The following DNAH1 variants were observed in gnomAD, a reference collection of about 807,000 sequenced individuals.
The protein encoded by DNAH1 is dynein axonemal heavy chain 1, also known as axonemal beta dynein heavy chain 1.
In DNAH1, 327 loss-of-function variants were observed where a neutral mutation model predicts 484.3. The observed-to-expected ratio is 0.68, with a 90% CI of 0.62 to 0.74. The LOEUF (loss-of-function observed/expected upper bound fraction) is 0.74. Ranked by LOEUF, DNAH1 falls within the 30% of genes least tolerant of loss-of-function variation. DNAH1 has a pLI of 0.00. For missense variants in DNAH1, 5,052 were observed against 5,546.8 expected (o/e 0.91, Z 2.83); for synonymous variants, 2,192 against 2,191.9 (o/e 1.00, Z 0.00).
chr3:52,347,998 C>T (rs1243222658), intron 12 of DNAH1, 24 bp downstream of exon 12: 1 of 1,588,750 alleles, frequency 6.3e-7, no homozygotes, highest in South Asian at 1.1e-5. Flanking sequence ...CCTGAGCAGG[C>T]CCCAGGCACC....
chr3:52,329,660 A>C (rs1701471496), intron 6 of DNAH1, among the ~76,000 whole-genome samples: 1 of 152,122 alleles, frequency 6.6e-6, no homozygotes, highest in Non-Finnish European at 1.5e-5. Context: ...CCCCGTCTTT[A>C]CTAAAAATAC....
chr3:52,331,540 G>A (rs765897823), intron 7 of DNAH1, among the ~76,000 whole-genome samples: 11 of 151,996 alleles, frequency 7.2e-5, no homozygotes, highest in African/African-American at 1.7e-4. Flanking sequence ...ATCAATAAGC[G>A]ATGCCTGCCC....
At chr3:52,370,338 C>A in intron 39 of DNAH1, 109 bp downstream of exon 39, 1 of 1,537,734 alleles carries the variant, frequency 6.5e-7, no homozygotes, top group South Asian at 1.2e-5. Flanking sequence ...CATGGTGCAA[C>A]ATGGACAAGA....
At chr3:52,314,546 G>A (rs1169795594), upstream of DNAH1, among the ~76,000 whole-genome samples, 2 of 152,182 alleles carry the variant, frequency 1.3e-5, no homozygotes, top group Admixed American at 1.3e-4. Flanking sequence ...CATTTCTATG[G>A]GTCTTTCCTG....
rs1297100010 is a variant in DNAH1, at chr3:52,355,433, C to T, written c.3693+378C>T. On this transcript the variant is annotated intron_variant, in intron 21 of 77. Transcript: ENST00000420323. This position sits in a 1 kb window ranked among gnomAD's most constrained non-coding sequence, Gnocchi z 4.5. ...CGGATGTCCCAAGGTCCCAGAGCAC[C>T]TCAGTGCCCTTTCCCACTCTGTCCT... Among the ~76,000 whole-genome samples, 4 of 152,254 alleles carry T rather than the reference C, an allele frequency of 2.6e-5. No homozygotes were observed. The East Asian group carries it at 7.7e-4, about 29-fold the overall frequency.
At chr3:52,378,495 G>A in intron 46 of DNAH1, 107 bp from the exon 47 acceptor site, 1 of 1,220,038 alleles carries the variant, frequency 8.2e-7, no homozygotes. Context: ...GCTGGGGAAG[G>A]GGCTTGGTGG....
chr3:52,367,037 C>A (rs2153224572), intron 36 of DNAH1, 150 bp downstream of exon 36: 1 of 947,896 alleles, frequency 1.1e-6, no homozygotes, highest in Non-Finnish European at 1.5e-6. Context: ...TACTTCCTCG[C>A]TGAGTGACCC....
intron 3 of DNAH1, 98 bp from the exon 4 acceptor site, chr3:52,326,042 A>T: frequency 4.8e-6 from 6 of 1,259,862 alleles, no homozygotes; most frequent in Non-Finnish European, 6.3e-6. Flanking sequence ...CACACTCCAA[A>T]GCATACTACC....
In DNAH1 at chr3:52,395,693, CCATCA is replaced by C; in HGVS notation, c.11259+18_11259+22del. 6.2e-7 allele frequency: 1 copy of C among 1,610,348 alleles called. No individual in the cohort carries two copies. The highest frequency in any genetic ancestry group is 8.5e-7 in the Non-Finnish European group (1 of 1,178,136). ...ACCCCGACAAGGTGTGTTGCCCTGC[CCATCA>C]CAGACCCAGTGGGGCCGCCTCTGCA... On this transcript the variant is annotated intron_variant, in intron 70 of 77. Coordinates refer to ENST00000420323, the MANE Select transcript of DNAH1 (RefSeq NM_015512.5). This position sits in a 1 kb window ranked among gnomAD's most constrained non-coding sequence, Gnocchi z 4.4.
chr3:52,385,057 AC>A, intron 53 of DNAH1, 80 bp downstream of exon 53: 1 of 1,463,114 alleles, frequency 6.8e-7, no homozygotes, highest in Non-Finnish European at 9.2e-7. Flanking sequence ...CCAGGGTGAC[AC>A]CATGCTCCGC....
In DNAH1 at chr3:52,382,419, G is replaced by C. The variant is rs1703891928; in HGVS notation, c.7905G>C (p.Gln2635His). The C allele has an allele frequency of 2.5e-6, 4 of 1,614,014 alleles. No individual in the cohort carries two copies. In the African/African-American group the frequency reaches 5.3e-5, roughly 22 times the overall value. ...VKKVLLKAGLQNLPITFLFSD... is the reference protein window; with the variant it reads ...VKKVLLKAGLHNLPITFLFSD... ...AGGTCCTGCTCAAGGCGGGCCTACAGAACCTACCCATCACCTTCCTCTTCT... is the reference window on the plus strand; with the variant it reads ...AGGTCCTGCTCAAGGCGGGCCTACACAACCTACCCATCACCTTCCTCTTCT... Residue 2635 changes from glutamine (Q) to histidine (H), a missense_variant, in exon 50 of 78, where the codon CAG (glutamine) becomes CAC (histidine). Around this residue, in one of 4 missense-constraint regions of DNAH1, gnomAD observed 2,929 missense variants for 3,409.4 expected, o/e 0.86. Transcript: ENST00000420323.
Position 52,349,838 on chromosome 3 carries a change from C to G in DNAH1, c.2527-151C>G, listed in dbSNP as rs1466235953. On this transcript the variant is annotated intron_variant, in intron 14 of 77. Transcript: ENST00000420323. ...GTCCTCAGCAACCCAGGGAGCCCAC[C>G]AGGAGCACCCCTCTTGGAAAGCGCC... 1.0e-5 allele frequency: 12 copies of G among 1,179,480 alleles called. No homozygotes were observed. In the East Asian group the frequency reaches 2.9e-4, roughly 28 times the overall value. 73.1% of individuals were successfully genotyped at this position (1,179,480 alleles called of 1,614,324 possible).
intron 66 of DNAH1, among the ~76,000 whole-genome samples, 173 bp downstream of exon 66, chr3:52,393,658 C>T (rs1315539059): frequency 6.6e-6 from 1 of 152,192 alleles, no homozygotes; most frequent in African/African-American, 2.4e-5. Context: ...TGACTCATGC[C>T]TGCAATCCCA....
chr3:52,354,884 C>T lies in DNAH1; in HGVS notation c.3522C>T (p.Phe1174=). The change falls in exon 21 of 78, where the codon TTC becomes TTT. Residue 1174 remains phenylalanine, a synonymous_variant. Transcript: ENST00000420323. ...AGAAGGAGTGGTCGACCATCCTGTT[C>T]AATGTACTGCCCTACAAGGCGACAG... is the stretch of plus-strand genomic sequence containing the variant. ...KMEKEWSTIL[F]NVLPYKATDT... is the part of the protein sequence containing the mutation. 6.2e-7 allele frequency: 1 copy of T among 1,613,960 alleles called. No individual in the cohort carries two copies. Among genetic ancestry groups the T allele is most frequent in the East Asian group, 2.2e-5 (1 of 44,874 alleles).
At chr3:52,356,394 G>A (rs1702610764) in intron 21 of DNAH1, among the ~76,000 whole-genome samples, 1 of 152,224 alleles carries the variant, frequency 6.6e-6, no homozygotes. Context: ...CTGTGGGGAT[G>A]TGGGACTTCT....
intron 65 of DNAH1, 120 bp from the exon 66 acceptor site, chr3:52,393,214 C>A: frequency 6.6e-7 from 1 of 1,517,846 alleles, no homozygotes; most frequent in Non-Finnish European, 9.0e-7. Flanking sequence ...ACACCAAGTG[C>A]CCAAGAGGAG....
In DNAH1 at chr3:52,331,157, A is replaced by C. The variant is rs1271814093; in HGVS notation, c.881A>C (p.Lys294Thr). 1.9e-6 allele frequency: 3 copies of C among 1,594,020 alleles called. No homozygotes were observed. The highest frequency in any genetic ancestry group is 2.6e-6 in the Non-Finnish European group (3 of 1,170,024). Residue 294 changes from lysine to threonine, a missense_variant, in exon 7 of 78, where the codon AAG becomes ACG. Lys to Thr is a moderately conservative substitution (Grantham distance 78, BLOSUM62 -1). Coordinates refer to ENST00000420323, the MANE Select transcript of DNAH1 (RefSeq NM_015512.5). Reference protein sequence around the residue: ...TDDFLGHEDPKSQKLKYKWCE... With the variant: ...TDDFLGHEDPTSQKLKYKWCE... ...TCTCCTCCTGTTTCAGAGGACCCCA[A>C]GAGTCAGAAGCTGAAGTACAAATGG...
Position 52,364,545 on chromosome 3 carries a change from C to A in DNAH1, c.5245-93C>A. On this transcript the variant is annotated intron_variant, in intron 32 of 77. Coordinates refer to ENST00000420323, the MANE Select transcript of DNAH1 (RefSeq NM_015512.5). The surrounding 1 kb of genome is among the most constrained non-coding windows in gnomAD (Gnocchi z 4.2). ...GAAGTGCTATGAGCTGGTGATGAGA[C>A]TTGGCCAACTGCCAGGTGGGAGGCA... is the stretch of plus-strand genomic sequence containing the variant. The A allele has an allele frequency of 7.0e-7, 1 of 1,431,422 alleles. No homozygotes were observed. The highest frequency in any genetic ancestry group is 9.8e-7 in the Non-Finnish European group (1 of 1,016,832). 88.7% of individuals were successfully genotyped at this position (1,431,422 alleles called of 1,614,324 possible). A position where few individuals can be genotyped will look rare whatever the true frequency, so the allele number is the denominator to read the frequency against.
At chr3:52,316,046 G>A (rs1469714727), upstream of DNAH1, among the ~76,000 whole-genome samples, 1 of 152,190 alleles carries the variant, frequency 6.6e-6, no homozygotes, top group Non-Finnish European at 1.5e-5. Flanking sequence ...TAAGCAGTGA[G>A]TGGTTCTGTG....
Sources: gnomAD v4.1 joint callset for allele counts (sites outside exome capture counted in the v4.1 genomes callset) on GRCh38, gnomAD v4.1.1 for gene constraint, gnomAD v4.1.1 regional missense constraint, Gnocchi (gnomAD v3.1) non-coding constraint, MANE v1.5 for transcripts, NCBI Gene and HGNC (gene_info 2026-07-23, HGNC 2026-07-21) for gene names.